GNAZ: variants seen among roughly 807,000 people sequenced by gnomAD.
GNAZ encodes G protein subunit alpha z, also known as guanine nucleotide-binding protein G(z) subunit alpha.
A neutral mutation model predicts 25.4 loss-of-function variants in GNAZ; 3 were observed. That is an observed-to-expected ratio of 0.12 (90% CI 0.05 to 0.30). The LOEUF (loss-of-function observed/expected upper bound fraction) is 0.30, where lower values mean the gene tolerates loss of function less well. Ranked by LOEUF, GNAZ falls within the 10% of genes least tolerant of loss-of-function variation. GNAZ has a pLI of 1.00. For synonymous variants in GNAZ, 211 were observed against 205.7 expected (o/e 1.03, Z -0.22); for missense variants, 241 against 501.8 (o/e 0.48, Z 4.97).
At chr22:23,080,848 A>T (rs373152074) in intron 1 of GNAZ, among the ~76,000 whole-genome samples, 42 of 152,378 alleles carry the variant, frequency 2.8e-4, no homozygotes, top group Admixed American at 2.7e-3. Flanking sequence ...TACCTCTGTC[A>T]TCAGCACTCA....
chr22:23,075,398 G>T (rs11704956), intron 1 of GNAZ, among the ~76,000 whole-genome samples: 2,400 of 152,290 alleles, frequency 0.016, 70 homozygotes, highest in South Asian at 0.13. Flanking sequence ...TGGACCCTTG[G>T]GCAAGAGGCA....
chr22:23,080,243 G>A (rs760760828), intron 1 of GNAZ, among the ~76,000 whole-genome samples: 40 of 152,312 alleles, frequency 2.6e-4, no homozygotes, highest in Non-Finnish European at 5.0e-4. Context: ...TTCCTCAGGC[G>A]ACACTATCAC....
chr22:23,120,325 C>T (rs1419774939), intron 2 of GNAZ, among the ~76,000 whole-genome samples: 2 of 152,012 alleles, frequency 1.3e-5, no homozygotes, highest in Non-Finnish European at 2.9e-5. Flanking sequence ...TGTTTCATGG[C>T]GTTGGACAAG....
intron 2 of GNAZ, among the ~76,000 whole-genome samples, chr22:23,106,809 A>G (rs962244748): frequency 6.6e-6 from 1 of 152,192 alleles, no homozygotes. Context: ...GTTTCAGGAA[A>G]AGTTGTCCCT....
intron 2 of GNAZ, among the ~76,000 whole-genome samples, chr22:23,119,949 C>T (rs982475004): frequency 1.3e-5 from 2 of 152,162 alleles, no homozygotes; most frequent in African/African-American, 4.8e-5. Flanking sequence ...ATAGAGGAAA[C>T]CAGGAAGCCT....
At chr22:23,108,192 G>A (rs539253943) in intron 2 of GNAZ, among the ~76,000 whole-genome samples, 2 of 152,344 alleles carry the variant, frequency 1.3e-5, no homozygotes, top group Non-Finnish European at 2.9e-5. Flanking sequence ...CACACCAAAC[G>A]CCTGCAGCAT....
chr22:23,108,900 C>T (rs2069561982), intron 2 of GNAZ, among the ~76,000 whole-genome samples: 5 of 152,186 alleles, frequency 3.3e-5, no homozygotes, highest in South Asian at 4.1e-4. Context: ...CTCTGTCCTT[C>T]GAGGCAGGAG....
At chr22:23,076,689 C>A (rs982584680) in intron 1 of GNAZ, among the ~76,000 whole-genome samples, 64 of 152,344 alleles carry the variant, frequency 4.2e-4, no homozygotes, top group African/African-American at 1.5e-3. Context: ...CACGGGGATT[C>A]ACAGAGTGAT....
At chr22:23,096,987 G>A (rs534681351) in intron 2 of GNAZ, among the ~76,000 whole-genome samples, 14 of 152,358 alleles carry the variant, frequency 9.2e-5, no homozygotes, top group Admixed American at 7.2e-4. Flanking sequence ...GTGGGGAGCC[G>A]GGTGAAGCAG....
intron 2 of GNAZ, among the ~76,000 whole-genome samples, chr22:23,113,286 C>T (rs867613400): frequency 6.6e-6 from 1 of 152,226 alleles, no homozygotes; most frequent in Non-Finnish European, 1.5e-5. Flanking sequence ...ATCCTTCTCT[C>T]CCACAGATCT....
Position 23,123,273 on chromosome 22 carries a change from A to T in GNAZ, c.910A>T (p.Ile304Phe). 1 of 1,614,136 alleles carries T rather than the reference A, an allele frequency of 6.2e-7. No individual in the cohort carries two copies. The highest frequency in any genetic ancestry group is 8.5e-7 in the Non-Finnish European group (1 of 1,180,012). The change falls in exon 3 of 3, where the codon ATC (isoleucine) becomes TTC (phenylalanine). Residue 304 changes from isoleucine (I) to phenylalanine (F), a missense_variant. Transcript: ENST00000615612. ...CACGTACGAGGAGGCCGCTGTCTAC[A>T]TCCAGCGGCAGTTTGAAGACCTGAA... ...QNTYEEAAVY[I>F]QRQFEDLNRN...
chr22:23,115,673 C>G (rs1216501498), intron 2 of GNAZ, among the ~76,000 whole-genome samples: 1 of 152,210 alleles, frequency 6.6e-6, no homozygotes, highest in African/African-American at 2.4e-5. Flanking sequence ...GCATGAGGCC[C>G]TGAGCACTGC....
At chr22:23,102,350 A>C (rs2069327968) in intron 2 of GNAZ, among the ~76,000 whole-genome samples, 1 of 152,146 alleles carries the variant, frequency 6.6e-6, no homozygotes, top group South Asian at 2.1e-4. Context: ...CCTGGCACCT[A>C]TTTGAGGCCC....
rs182481030 is a variant in GNAZ, at chr22:23,123,320, G to A, written c.957G>A (p.Glu319=). ...TGAACCGCAACAAGGAGACCAAGGA[G>A]ATCTACTCCCACTTCACCTGCGCCA... is the stretch of plus-strand genomic sequence containing the variant. ...EDLNRNKETK[E]IYSHFTCATD... The change falls in exon 3 of 3, where the codon GAG becomes GAA. Residue 319 remains glutamate, a synonymous_variant. Coordinates refer to ENST00000615612, the MANE Select transcript of GNAZ (RefSeq NM_002073.4). 148 of 1,614,040 alleles carry A rather than the reference G, an allele frequency of 9.2e-5. 1 individual carries two copies. In the East Asian group the frequency reaches 2.8e-3, roughly 30 times the overall value.
At chr22:23,118,144 C>T (rs1020620076) in intron 2 of GNAZ, among the ~76,000 whole-genome samples, 3 of 152,210 alleles carry the variant, frequency 2.0e-5, no homozygotes, top group Non-Finnish European at 2.9e-5. Context: ...CCTGTCTGAG[C>T]AGGAGCTCTC....
intron 2 of GNAZ, among the ~76,000 whole-genome samples, chr22:23,116,384 G>A (rs912568230): frequency 6.6e-6 from 1 of 152,244 alleles, no homozygotes; most frequent in African/African-American, 2.4e-5. Flanking sequence ...GTGGCTACGC[G>A]CCTGTGACAG....
intron 2 of GNAZ, among the ~76,000 whole-genome samples, chr22:23,100,375 G>C (rs2069262193): frequency 6.6e-6 from 1 of 152,348 alleles, no homozygotes; most frequent in African/African-American, 2.4e-5. Flanking sequence ...GTCACAGCAG[G>C]GTTCACCGTG....
At chr22:23,096,585 G>A (rs2069131660) in intron 2 of GNAZ, among the ~76,000 whole-genome samples, 167 bp downstream of exon 2, 1 of 152,204 alleles carries the variant, frequency 6.6e-6, no homozygotes, top group South Asian at 2.1e-4. Context: ...GGGGGCAGAG[G>A]GAACAGGGTG....
intron 1 of GNAZ, among the ~76,000 whole-genome samples, chr22:23,094,234 G>T (rs867339836): frequency 1.3e-5 from 2 of 152,112 alleles, no homozygotes; most frequent in Admixed American, 6.5e-5. Context: ...AGAGGGGTGC[G>T]TGTGAGTTGG....
Sources: allele counts gnomAD v4.1 joint callset (sites outside exome capture counted in the v4.1 genomes callset), GRCh38; gene constraint gnomAD v4.1.1; transcripts MANE v1.5; gene names NCBI Gene and HGNC (gene_info 2026-07-23, HGNC 2026-07-21).